The following TMEM200A variants were observed in gnomAD, a reference collection of about 807,000 sequenced individuals.
TMEM200A encodes the protein two transmembrane C.
In TMEM200A, 12 loss-of-function variants were observed where a neutral mutation model predicts 24.3. The ratio of observed to expected loss-of-function variants is 0.49; its 90% CI spans 0.32 to 0.80. The LOEUF (loss-of-function observed/expected upper bound fraction) is 0.80. Ranked by LOEUF, TMEM200A falls within the 30% of genes least tolerant of loss-of-function variation. The probability of loss-of-function intolerance (pLI) is 0.04; values close to 1 mark genes in which losing one functional copy is unlikely to be tolerated. For missense variants in TMEM200A, 545 were observed against 614.4 expected (o/e 0.89, Z 1.19); for synonymous variants, 224 against 224.4 (o/e 1.00, Z 0.02).
chr6:130,369,876 AG>A (rs910894451), intron 1 of TMEM200A, among the ~76,000 whole-genome samples: 6 of 152,144 alleles, frequency 3.9e-5, no homozygotes, highest in Non-Finnish European at 7.4e-5. Context: ...AAGTGCACCA[AG>A]GGGGGACAAG....
chr6:130,435,773 C>T (rs915614537), intron 2 of TMEM200A, among the ~76,000 whole-genome samples: 3 of 152,200 alleles, frequency 2.0e-5, no homozygotes, highest in Non-Finnish European at 4.4e-5. Flanking sequence ...TAAAATCCTT[C>T]ACTTGAATCT....
At chr6:130,375,141 T>C (rs1209319945) in intron 1 of TMEM200A, among the ~76,000 whole-genome samples, 1 of 152,240 alleles carries the variant, frequency 6.6e-6, no homozygotes, top group Non-Finnish European at 1.5e-5. Flanking sequence ...CTATTCTCCT[T>C]TATGGATCTC....
Position 130,419,667 on chromosome 6 carries a change from T to A in TMEM200A, c.-16-20740T>A, listed in dbSNP as rs142103774. 3.2e-4 allele frequency among the ~76,000 whole-genome samples: 49 copies of A among 152,294 alleles called. 2 individuals carry two copies. Among genetic ancestry groups the A allele is most frequent in the African/African-American group, 1.2e-3 (49 of 41,568 alleles). Reference sequence around the variant, plus strand: ...CATATCAATGTGGCAAAGTATGAACTAGAGCTGCAAGAGGGAATCTTTGTG... The same window carrying A: ...CATATCAATGTGGCAAAGTATGAACAAGAGCTGCAAGAGGGAATCTTTGTG... On this transcript the variant is annotated intron_variant, in intron 2 of 2. Transcript: ENST00000296978.
intron 2 of TMEM200A, chr6:130,439,426 C>T (rs964141886): frequency 7.2e-5 from 11 of 152,288 alleles, no homozygotes; most frequent in African/African-American, 2.2e-4. Flanking sequence ...TGAGAACTGA[C>T]CCTGCTAAAA....
At chr6:130,383,596 TAGTA>T (rs1436520886) in intron 1 of TMEM200A, among the ~76,000 whole-genome samples, 1 of 152,222 alleles carries the variant, frequency 6.6e-6, no homozygotes, top group Non-Finnish European at 1.5e-5. Flanking sequence ...TTTAAAACGC[TAGTA>T]AGTATTTTTA....
intron 2 of TMEM200A, among the ~76,000 whole-genome samples, chr6:130,393,652 C>T (rs189735152): frequency 2.2e-4 from 33 of 152,254 alleles, no homozygotes; most frequent in African/African-American, 7.9e-4. Flanking sequence ...AATTAGTTTG[C>T]TGCTAAAAAC....
At chr6:130,390,086 A>G (rs1295100628) in intron 2 of TMEM200A, among the ~76,000 whole-genome samples, 1 of 152,232 alleles carries the variant, frequency 6.6e-6, no homozygotes, top group Non-Finnish European at 1.5e-5. Context: ...AATGCTTATC[A>G]GTTTTCAAAA....
intron 2 of TMEM200A, among the ~76,000 whole-genome samples, chr6:130,434,025 A>C (rs1192525318): frequency 6.6e-6 from 1 of 152,172 alleles, no homozygotes; most frequent in Non-Finnish European, 1.5e-5. Flanking sequence ...CCATCATAGC[A>C]ATTCTTTTAT....
intron 2 of TMEM200A, among the ~76,000 whole-genome samples, chr6:130,415,985 AATG>A (rs539854119): frequency 1.9e-3 from 296 of 152,252 alleles, no homozygotes; most frequent in Middle Eastern, 3.4e-3. Context: ...TTATCATTAA[AATG>A]ATAATAAAAA....
chr6:130,406,332 G>T (rs141459927), intron 2 of TMEM200A, among the ~76,000 whole-genome samples: 1 of 152,054 alleles, frequency 6.6e-6, no homozygotes, highest in Non-Finnish European at 1.5e-5. Flanking sequence ...TGTAGCCCTT[G>T]TGTGCTCTGA....
At chr6:130,435,273 A>G (rs2115223373) in intron 2 of TMEM200A, among the ~76,000 whole-genome samples, 1 of 152,284 alleles carries the variant, frequency 6.6e-6, no homozygotes, top group African/African-American at 2.4e-5. Flanking sequence ...GATGTGAGCC[A>G]TCGCACCCAG....
At position 130,383,783 on chromosome 6, in the gene TMEM200A, G is replaced by C. The variant is rs190653744; in HGVS notation, c.-80-1390G>C. The stretch of plus-strand genomic sequence containing the variant: ...AGTATTAAAACTTTGGAGGCCATGG[G>C]ACCCATAGAACCTCGTAGGAATAAT... On this transcript the variant is annotated intron_variant, in intron 1 of 2. Coordinates refer to ENST00000296978, the MANE Select transcript of TMEM200A (RefSeq NM_001258277.2). Among the ~76,000 whole-genome samples the C allele has an allele frequency of 1.5e-3, 227 of 152,156 alleles. 1 individual carries two copies. The highest frequency in any genetic ancestry group is 2.8e-3 in the Non-Finnish European group (188 of 68,010).
chr6:130,411,502 C>G (rs895433279), intron 2 of TMEM200A, among the ~76,000 whole-genome samples: 5 of 152,178 alleles, frequency 3.3e-5, no homozygotes, highest in African/African-American at 1.2e-4. Flanking sequence ...ATTCTCAGAT[C>G]CCACTTCAGT....
At chr6:130,391,760 T>G (rs1210240199) in intron 2 of TMEM200A, among the ~76,000 whole-genome samples, 1 of 103,378 alleles carries the variant, frequency 9.7e-6, no homozygotes, top group Non-Finnish European at 1.8e-5. Flanking sequence ...TTTTTTTTTT[T>G]GAGACAGAGT....
intron 1 of TMEM200A, among the ~76,000 whole-genome samples, chr6:130,379,443 C>T (rs1778544550): frequency 6.6e-6 from 1 of 150,732 alleles, no homozygotes; most frequent in African/African-American, 2.4e-5. Context: ...GCCAAATAAG[C>T]ATATTCAATA....
chr6:130,383,480 A>G (rs1026197396), intron 1 of TMEM200A, among the ~76,000 whole-genome samples: 3 of 152,016 alleles, frequency 2.0e-5, no homozygotes, highest in African/African-American at 7.2e-5. Context: ...ATGTCTGGCG[A>G]TGGCAAATAA....
At chr6:130,436,063 T>C (rs977707811) in intron 2 of TMEM200A, among the ~76,000 whole-genome samples, 5 of 152,130 alleles carry the variant, frequency 3.3e-5, no homozygotes, top group Admixed American at 1.3e-4. Flanking sequence ...TTTGGTGTTA[T>C]GGAAACAGGA....
chr6:130,426,358 T>C (rs1779738250), intron 2 of TMEM200A, among the ~76,000 whole-genome samples: 1 of 151,856 alleles, frequency 6.6e-6, no homozygotes, highest in African/African-American at 2.4e-5. Flanking sequence ...GGACTAGAGA[T>C]TTAATTTCAA....
chr6:130,400,123 CCA>C (rs1352714785), intron 2 of TMEM200A, among the ~76,000 whole-genome samples: 4 of 151,594 alleles, frequency 2.6e-5, no homozygotes, highest in Non-Finnish European at 4.4e-5. Flanking sequence ...CACACACACA[CCA>C]CAGTTTCTTT....
Sources: gnomAD v4.1 joint callset for allele counts (sites outside exome capture counted in the v4.1 genomes callset) on GRCh38, gnomAD v4.1.1 for gene constraint, MANE v1.5 for transcripts, NCBI Gene and HGNC (gene_info 2026-07-23, HGNC 2026-07-21) for gene names.